ADAMTSL3: variants seen among roughly 807,000 people sequenced by gnomAD.
The protein encoded by ADAMTSL3 is ADAMTS-like protein 3.
ADAMTSL3 carries 128 observed loss-of-function variants against 201.7 expected under a neutral mutation model. The ratio of observed to expected loss-of-function variants is 0.63; its 90% CI spans 0.55 to 0.73. ADAMTSL3 has a LOEUF of 0.73. Ranked by LOEUF, ADAMTSL3 falls within the 30% of genes least tolerant of loss-of-function variation. The pLI is 0.00. For missense variants in ADAMTSL3, 1,990 were observed against 2,119.6 expected, an observed-to-expected ratio of 0.94 and a Z score of 1.20; for synonymous variants, 738 against 748.4, an observed-to-expected ratio of 0.99 and a Z score of 0.23.
chr15:83,707,805 C>T lies in ADAMTSL3; in HGVS notation c.189+3297C>T, dbSNP rs1435245651. Among the ~76,000 whole-genome samples, 8 of 152,330 alleles carry T rather than the reference C, an allele frequency of 5.3e-5. No individual in the cohort carries two copies. The East Asian group carries it at 1.5e-3, about 29-fold the overall frequency. ...TCCAACATAATATAGGGTTTAATGT[C>T]TAGCAGCCAGTTGTACTCTTTGGAA... On this transcript the variant is annotated intron_variant, in intron 3 of 29. Coordinates refer to ENST00000286744, the MANE Select transcript of ADAMTSL3 (RefSeq NM_207517.3).
rs147449476 is a variant in ADAMTSL3 at position 83,714,360 on chromosome 15, G to C, written c.189+9852G>C. On this transcript the variant is annotated intron_variant, in intron 3 of 29. Transcript: ENST00000286744. ...AGGGATGCCCACTGGAACACTGTCT[G>C]CATTGCTGTCCAGCACATTTCTAGG... Among the ~76,000 whole-genome samples, 330 of 152,328 alleles carry C rather than the reference G, an allele frequency of 2.2e-3. 2 individuals are homozygous for C. The highest frequency in any genetic ancestry group is 7.7e-3 in the African/African-American group (321 of 41,582).
intron 4 of ADAMTSL3, among the ~76,000 whole-genome samples, chr15:83,781,214 C>T (rs917570399): frequency 6.6e-6 from 1 of 152,204 alleles, no homozygotes; most frequent in Non-Finnish European, 1.5e-5. Flanking sequence ...TACAGCTATA[C>T]TTCAGGGCTA....
chr15:83,712,617 C>A (rs74024549), intron 3 of ADAMTSL3, among the ~76,000 whole-genome samples: 1 of 152,160 alleles, frequency 6.6e-6, no homozygotes, highest in Non-Finnish European at 1.5e-5. Flanking sequence ...TGCCATGATC[C>A]GGGGAGTGTT....
At chr15:84,026,953 G>A (rs994659018) in intron 27 of ADAMTSL3, among the ~76,000 whole-genome samples, 13 of 152,124 alleles carry the variant, frequency 8.5e-5, no homozygotes, top group African/African-American at 3.1e-4. Context: ...AACTTGTGCT[G>A]CAAAGGAAAC....
intron 7 of ADAMTSL3, among the ~76,000 whole-genome samples, chr15:83,841,603 AT>A (rs2064375319): frequency 6.6e-6 from 1 of 151,766 alleles, no homozygotes; most frequent in Non-Finnish European, 1.5e-5. Context: ...TGCTAGCTGC[AT>A]TTTTGTTAAA....
chr15:84,019,839 G>C (rs529228683), intron 25 of ADAMTSL3, among the ~76,000 whole-genome samples: 1 of 148,184 alleles, frequency 6.7e-6, no homozygotes, highest in South Asian at 2.2e-4. Context: ...GCAGCACTGA[G>C]CTGAGATCAT....
At position 83,891,277 on chromosome 15, in the gene ADAMTSL3, A is replaced by G. The variant is rs891374308; in HGVS notation, c.1212-52A>G. On this transcript the variant is annotated intron_variant, in intron 11 of 29. Transcript: ENST00000286744. ...CAAATATTATATTCGTCAATTAATG[A>G]ATGTGTTAATTTATTATAGAAATGA... 14 of 1,374,108 alleles carry G rather than the reference A, an allele frequency of 1.0e-5. No individual in the cohort carries two copies. The Admixed American group carries it at 2.2e-4, about 22-fold the overall frequency. The allele number at this position is 1,374,108 out of a possible 1,614,324, so 85.1% of individuals were successfully genotyped here.
chr15:83,833,678 G>T (rs1051067509), intron 6 of ADAMTSL3, among the ~76,000 whole-genome samples: 20 of 152,184 alleles, frequency 1.3e-4, no homozygotes, highest in Non-Finnish European at 1.9e-4. Context: ...CTGAAAATGA[G>T]ATATAATTCG....
intron 7 of ADAMTSL3, among the ~76,000 whole-genome samples, chr15:83,839,282 G>A (rs1202360992): frequency 1.3e-5 from 2 of 152,124 alleles, no homozygotes; most frequent in African/African-American, 4.8e-5. Context: ...CGGGAGGGGT[G>A]GAGGGTTTTT....
In ADAMTSL3 at chr15:83,870,861, G is replaced by A. The variant is rs150539493; in HGVS notation, c.862G>A (p.Val288Ile). ...KGEHSFNSPG[V>I]FLVENTTVEF... ...AGAACACAGCTTTAACAGCCCCGGC[G>A]TCTTTCTCGTAGAAAACACAACAGT... The change falls in exon 9 of 30, where the codon GTC (valine) becomes ATC (isoleucine). Residue 288 changes from valine (V) to isoleucine (I), a missense_variant. Transcript: ENST00000286744. 192 of 1,613,168 alleles carry A rather than the reference G, an allele frequency of 1.2e-4. 1 individual carries two copies. The East Asian group carries it at 2.0e-3, about 16-fold the overall frequency.
At chr15:83,804,763 T>C (rs769853570) in intron 5 of ADAMTSL3, 68 bp downstream of exon 5, 3 of 1,251,986 alleles carry the variant, frequency 2.4e-6, no homozygotes, top group Non-Finnish European at 2.2e-6. Context: ...AATATTCCAA[T>C]GTGTACTCTA....
At chr15:83,814,126 G>T (rs1398477867) in intron 5 of ADAMTSL3, among the ~76,000 whole-genome samples, 1 of 152,136 alleles carries the variant, frequency 6.6e-6, no homozygotes, top group East Asian at 1.9e-4. Flanking sequence ...GACATTTGAT[G>T]TGACCATTGC....
intron 8 of ADAMTSL3, among the ~76,000 whole-genome samples, chr15:83,869,329 C>T (rs577397924): frequency 1.3e-4 from 20 of 152,162 alleles, no homozygotes; most frequent in Non-Finnish European, 2.5e-4. Flanking sequence ...TTTATATCTT[C>T]ATTGGAACTA....
At chr15:83,695,916 G>T (rs937230115) in intron 2 of ADAMTSL3, among the ~76,000 whole-genome samples, 2 of 151,446 alleles carry the variant, frequency 1.3e-5, no homozygotes, top group South Asian at 4.2e-4. Context: ...GTACATCATG[G>T]TTTTTTTTTG....
At chr15:83,886,636 A>G (rs531927552) in intron 10 of ADAMTSL3, among the ~76,000 whole-genome samples, 28 of 152,312 alleles carry the variant, frequency 1.8e-4, no homozygotes, top group Admixed American at 7.8e-4. Flanking sequence ...TTGAAGAGCT[A>G]GAATAAATCC....
chr15:83,845,300 G>A (rs2064474116), intron 7 of ADAMTSL3, among the ~76,000 whole-genome samples: 1 of 152,246 alleles, frequency 6.6e-6, no homozygotes, highest in Non-Finnish European at 1.5e-5. Context: ...CCATGTCTAT[G>A]ATGTCCACCA....
chr15:83,765,518 G>C (rs1353282770), intron 3 of ADAMTSL3, among the ~76,000 whole-genome samples: 1 of 152,252 alleles, frequency 6.6e-6, no homozygotes, highest in South Asian at 2.1e-4. Context: ...TAGTAGAACT[G>C]TACTATTCAT....
At chr15:83,848,843 A>G (rs1210733566) in intron 7 of ADAMTSL3, among the ~76,000 whole-genome samples, 2 of 152,228 alleles carry the variant, frequency 1.3e-5, no homozygotes, top group Non-Finnish European at 2.9e-5. Context: ...ATAATAACTT[A>G]TACTTACCCA....
intron 25 of ADAMTSL3, among the ~76,000 whole-genome samples, chr15:84,020,885 A>T (rs143917360): frequency 6.6e-6 from 1 of 152,276 alleles, no homozygotes; most frequent in East Asian, 1.9e-4. Context: ...CACAGGATCA[A>T]TCTGAAGTTT....
Sources: allele counts gnomAD v4.1 joint callset (sites outside exome capture counted in the v4.1 genomes callset), GRCh38; gene constraint gnomAD v4.1.1; transcripts MANE v1.5; gene names NCBI Gene and HGNC (gene_info 2026-07-23, HGNC 2026-07-21).